Variants in RAP1B observed in about 807,000 individuals in gnomAD.
The protein encoded by RAP1B is RAP1B, member of RAS oncogene family.
A neutral mutation model predicts 27.5 loss-of-function variants in RAP1B; 1 was observed. The ratio of observed to expected loss-of-function variants is 0.04; its 90% CI spans 0.01 to 0.17. The LOEUF (loss-of-function observed/expected upper bound fraction) is 0.17, where lower values mean the gene tolerates loss of function less well. Ranked by LOEUF, RAP1B falls within the 10% of genes least tolerant of loss-of-function variation. The probability of loss-of-function intolerance (pLI) is 1.00; values close to 1 mark genes in which losing one functional copy is unlikely to be tolerated. For missense variants in RAP1B, 84 were observed against 214.8 expected, an observed-to-expected ratio of 0.39 and a Z score of 3.81; for synonymous variants, 75 against 73.1, an observed-to-expected ratio of 1.03 and a Z score of -0.13.
rs1477563289 is a variant in RAP1B, at chr12:68,660,111, A to AT, written c.*863dup. On this transcript the variant is annotated 3_prime_UTR_variant, in exon 8 of 8. Transcript: ENST00000250559. Reference sequence around the variant, plus strand: ...CTGTGAATCCCTTGCTTGCTCATGCATAAGTGTATTTGCAATACCAAATAT... The same window carrying AT: ...CTGTGAATCCCTTGCTTGCTCATGCATTAAGTGTATTTGCAATACCAAATAT... 4 of 119,568 alleles carry AT rather than the reference A, an allele frequency of 3.3e-5. No homozygotes were observed. Among genetic ancestry groups the AT allele is most frequent in the African/African-American group, 1.0e-4 (3 of 29,582 alleles). 7.4% of individuals were successfully genotyped at this position (119,568 alleles called of 1,614,324 possible).
At chr12:68,656,575 A>G (rs1565674851) in intron 6 of RAP1B, 126 bp downstream of exon 6, 5 of 915,498 alleles carry the variant, frequency 5.5e-6, no homozygotes, top group Non-Finnish European at 8.5e-6. Context: ...GCAAAAAAAA[A>G]AAACCCTCAT....
chr12:68,623,538 G>A (rs1436101949), intron 1 of RAP1B, among the ~76,000 whole-genome samples: 1 of 152,130 alleles, frequency 6.6e-6, no homozygotes, highest in African/African-American at 2.4e-5. Flanking sequence ...ATTTTGGTAA[G>A]AGTAATCAAA....
chr12:68,617,380 T>C (rs1000242222), intron 1 of RAP1B, among the ~76,000 whole-genome samples: 2 of 152,168 alleles, frequency 1.3e-5, no homozygotes, highest in Non-Finnish European at 2.9e-5. Context: ...AATAGCAAAA[T>C]GCAGGAATTC....
chr12:68,626,839 G>C (rs1042130316), intron 1 of RAP1B: 3 of 1,554,452 alleles, frequency 1.9e-6, no homozygotes, highest in Admixed American at 1.7e-5. Context: ...TTATTGGTGA[G>C]TATTAAGAGG....
chr12:68,654,350 T>G lies in RAP1B; in HGVS notation c.324+98T>G. ...TCATTTTAAAGCTTGTGTATTTTGG[T>G]TGGGGGGGGGGTGTTGGTTTTTTTA... On this transcript the variant is annotated intron_variant, in intron 5 of 7. Coordinates refer to ENST00000250559, the MANE Select transcript of RAP1B (RefSeq NM_001010942.3). The G allele has an allele frequency of 2.0e-5, 3 of 152,392 alleles. No homozygotes were observed. Among genetic ancestry groups the G allele is most frequent in the Non-Finnish European group, 1.2e-5 (1 of 82,728 alleles). The allele number at this position is 152,392 out of a possible 1,614,324, so 9.4% of individuals were successfully genotyped here.
At chr12:68,636,427 T>G (rs1223648684) in intron 1 of RAP1B, among the ~76,000 whole-genome samples, 2 of 152,186 alleles carry the variant, frequency 1.3e-5, no homozygotes, top group Admixed American at 1.3e-4. Flanking sequence ...AAGCACTGTT[T>G]TTTTGTTGTT....
At chr12:68,634,479 T>A (rs986395105) in intron 1 of RAP1B, among the ~76,000 whole-genome samples, 43 of 152,158 alleles carry the variant, frequency 2.8e-4, no homozygotes, top group Non-Finnish European at 2.6e-4. Flanking sequence ...GACATTTTTT[T>A]AAGTCACATC....
intron 1 of RAP1B, among the ~76,000 whole-genome samples, chr12:68,647,206 C>G (rs1873471423): frequency 6.6e-6 from 1 of 152,116 alleles, no homozygotes; most frequent in Non-Finnish European, 1.5e-5. Flanking sequence ...GCGTGTACCA[C>G]CACACCCAGC....
chr12:68,612,931 A>T (rs1482100279), intron 1 of RAP1B, among the ~76,000 whole-genome samples: 1 of 152,242 alleles, frequency 6.6e-6, no homozygotes, highest in Non-Finnish European at 1.5e-5. Context: ...GCCTTATCTA[A>T]GGAAGTCCTA....
chr12:68,613,120 C>T (rs1488201182), intron 1 of RAP1B, among the ~76,000 whole-genome samples: 2 of 151,896 alleles, frequency 1.3e-5, no homozygotes. Flanking sequence ...TTTGGGAGGC[C>T]GAGCCGAGGA....
intron 1 of RAP1B, among the ~76,000 whole-genome samples, chr12:68,627,709 A>T (rs1194421760): frequency 6.6e-6 from 1 of 152,180 alleles, no homozygotes. Flanking sequence ...TATCATATAG[A>T]TAGATGTACA....
At chr12:68,639,090 C>G (rs998134971) in intron 1 of RAP1B, among the ~76,000 whole-genome samples, 1 of 152,092 alleles carries the variant, frequency 6.6e-6, no homozygotes, top group Non-Finnish European at 1.5e-5. Context: ...AACTGCTGGA[C>G]CAGGGTTCAG....
rs890220264 is a variant in RAP1B, at chr12:68,667,629, C to A, written c.*8380C>A. ...AGTAATGGTATAAGGAAATTGTAAC[C>A]ATTTGTGTGCTTTACATGTTTAAGA... On this transcript the variant is annotated 3_prime_UTR_variant, in exon 8 of 8. Transcript: ENST00000250559. The A allele has an allele frequency of 6.6e-6, 1 of 152,102 alleles. No homozygotes were observed. 9.4% of individuals were successfully genotyped at this position (152,102 alleles called of 1,614,324 possible). A position where few individuals can be genotyped will look rare whatever the true frequency, so the allele number is the denominator to read the frequency against.
chr12:68,618,330 T>C (rs1187925175), intron 1 of RAP1B, among the ~76,000 whole-genome samples: 7 of 152,196 alleles, frequency 4.6e-5, no homozygotes, highest in South Asian at 2.1e-4. Flanking sequence ...CCTTGTGATC[T>C]GCCCGCCTCG....
At chr12:68,637,320 G>A (rs894157281) in intron 1 of RAP1B, among the ~76,000 whole-genome samples, 1 of 152,064 alleles carries the variant, frequency 6.6e-6, no homozygotes, top group Admixed American at 6.5e-5. Context: ...CCTAGAGGCC[G>A]AGTGCAGTGG....
intron 1 of RAP1B, among the ~76,000 whole-genome samples, chr12:68,634,490 T>C (rs1278727696): frequency 6.6e-6 from 1 of 152,116 alleles, no homozygotes; most frequent in African/African-American, 2.4e-5. Flanking sequence ...AAGTCACATC[T>C]AGAGAATTGG....
At chr12:68,612,936 G>T (rs1197670431) in intron 1 of RAP1B, among the ~76,000 whole-genome samples, 1 of 152,206 alleles carries the variant, frequency 6.6e-6, no homozygotes, top group Non-Finnish European at 1.5e-5. Flanking sequence ...ATCTAAGGAA[G>T]TCCTAAAGTA....
intron 1 of RAP1B, among the ~76,000 whole-genome samples, chr12:68,644,767 CA>C (rs1303429685): frequency 7.0e-6 from 1 of 143,280 alleles, no homozygotes; most frequent in Non-Finnish European, 1.5e-5. Flanking sequence ...GGGCTCACTG[CA>C]ACCTCCACCT....
At chr12:68,623,758 C>T (rs1460558611) in intron 1 of RAP1B, among the ~76,000 whole-genome samples, 1 of 152,212 alleles carries the variant, frequency 6.6e-6, no homozygotes, top group African/African-American at 2.4e-5. Flanking sequence ...TGTAGTGGCT[C>T]ACGCCTGTAA....
Sources: allele counts gnomAD v4.1 joint callset (sites outside exome capture counted in the v4.1 genomes callset), GRCh38; gene constraint gnomAD v4.1.1; transcripts MANE v1.5; gene names NCBI Gene and HGNC (gene_info 2026-07-23, HGNC 2026-07-21).